The following ZNF425 variants were observed in gnomAD, a reference collection of about 807,000 sequenced individuals.
The protein encoded by ZNF425 is zinc finger protein 425.
ZNF425 carries 21 observed loss-of-function variants against 17.0 expected under a neutral mutation model. The observed-to-expected ratio is 1.23, with a 90% confidence interval of 0.88 to 1.78. ZNF425 has a LOEUF of 1.78. Ranked by LOEUF, ZNF425 falls within the 40% of genes most tolerant of loss-of-function variation. ZNF425 has a pLI of 0.00. For missense variants in ZNF425, 868 were observed against 967.3 expected (o/e 0.90, Z 1.36); for synonymous variants, 433 against 384.1 (o/e 1.13, Z -1.49).
chr7:149,119,111 A>ATT (rs35943015), intron 1 of ZNF425, among the ~76,000 whole-genome samples: 63 of 130,144 alleles, frequency 4.8e-4, no homozygotes, highest in Middle Eastern at 8.1e-3. Context: ...ACCAGCCTAG[A>ATT]TTTTTTTTTT....
chr7:149,121,305 C>T lies in ZNF425; in HGVS notation c.19-2957G>A, dbSNP rs1426616721. On this transcript the variant is annotated intron_variant, in intron 1 of 3. Transcript: ENST00000378061. ...AGAGACGGGGTTTCACCGTTTTAGC[C>T]GGGATGGTCTCGATCTCCTGACCTC... Among the ~76,000 whole-genome samples the T allele has an allele frequency of 6.3e-5, 2 of 31,774 alleles. 1 individual carries two copies. Among genetic ancestry groups the T allele is most frequent in the Non-Finnish European group, 1.2e-4 (2 of 16,442 alleles). The allele number at this position is 31,774 out of a possible 152,430, so 20.8% of individuals were successfully genotyped here. A position where few individuals can be genotyped will look rare whatever the true frequency, so the allele number is the denominator to read the frequency against.
In ZNF425 at chr7:149,104,734, C is replaced by T. The variant is rs1283459919; in HGVS notation, c.1137G>A (p.Thr379=). 3 of 1,613,042 alleles carry T rather than the reference C, an allele frequency of 1.9e-6. No individual in the cohort carries two copies. Among genetic ancestry groups the T allele is most frequent in the Non-Finnish European group, 2.5e-6 (3 of 1,179,906 alleles). ...RKAALKTHQR[T]HSEEKPFSCG... ...AAGAAAACGGCTTTTCCTCGCTGTG[C>T]GTCCTCTGGTGGGTCTTCAGGGCAG... Residue 379 remains threonine, a synonymous_variant, in exon 4 of 4, where the codon ACG becomes ACA. Coordinates refer to ENST00000378061, the MANE Select transcript of ZNF425 (RefSeq NM_001001661.3). This position sits in a 1 kb window ranked among gnomAD's most constrained non-coding sequence, Gnocchi z 4.3.
chr7:149,120,932 C>A (rs961222061), intron 1 of ZNF425, among the ~76,000 whole-genome samples: 2 of 152,106 alleles, frequency 1.3e-5, no homozygotes, highest in African/African-American at 2.4e-5. Flanking sequence ...TATGGACAAT[C>A]ATGTACAGGA....
At chr7:149,124,545 T>G (rs1047264904) in intron 1 of ZNF425, among the ~76,000 whole-genome samples, 5 of 151,982 alleles carry the variant, frequency 3.3e-5, no homozygotes, top group South Asian at 2.1e-4. Context: ...GTTGTTGTTG[T>G]TGGTTTTGTT....
rs750291616 is a variant in ZNF425, at chr7:149,126,086, C to A, written c.18+110G>T. 6.4e-6 allele frequency: 10 copies of A among 1,574,096 alleles called. No homozygotes were observed. In the East Asian group the frequency reaches 1.2e-4, roughly 19 times the overall value. On this transcript the variant is annotated intron_variant, in intron 1 of 3. Coordinates refer to ENST00000378061, the MANE Select transcript of ZNF425 (RefSeq NM_001001661.3). ...AGCTCAGTCCGTGGGCCACTGCCAA[C>A]CCCCAGGCCCAGGCCCCGGCCGCCC...
At chr7:149,111,619 A>AAAAAAAAAAAAAAT (rs1563146538) in intron 3 of ZNF425, among the ~76,000 whole-genome samples, 9 of 145,570 alleles carry the variant, frequency 6.2e-5, no homozygotes, top group African/African-American at 1.8e-4. Flanking sequence ...AAAAAAAAAA[A>AAAAAAAAAAAAAAT]AATTATATAT....
chr7:149,104,973 G>A lies in ZNF425; in HGVS notation c.898C>T (p.Arg300Trp), dbSNP rs960109246. 5 of 1,614,006 alleles carry A rather than the reference G, an allele frequency of 3.1e-6. No individual in the cohort carries two copies. The highest frequency in any genetic ancestry group is 2.2e-5 in the East Asian group (1 of 44,896). ...KKHLCLHRGE[R>W]PFCCGECGRA... ...CCGCACTCCCCGCAGCAGAACGGCC[G>A]CTCCCCGCGGTGTAGACACAGGTGC... The change falls in exon 4 of 4, where the codon CGG becomes TGG. Residue 300 changes from arginine to tryptophan, a missense_variant. Physicochemically the swap from Arg to Trp is moderately radical, Grantham distance 101. Around this residue, in one of 5 missense-constraint regions of ZNF425, gnomAD observed 243 missense variants for 265.2 expected, o/e 0.92. Coordinates refer to ENST00000378061, the MANE Select transcript of ZNF425 (RefSeq NM_001001661.3). The surrounding 1 kb of genome is among the most constrained non-coding windows in gnomAD (Gnocchi z 4.3).
rs779921705 is a variant in ZNF425 at position 149,105,021 on chromosome 7, G to T, written c.850C>A (p.Arg284=). Residue 284 remains arginine (R), a synonymous_variant, in exon 4 of 4, where the codon CGG becomes AGG. Transcript: ENST00000378061. ...YPCPECDKTF[R]YRANLKKHLC... ...TGCTTCTTCAGGTTGGCCCTGTACC[G>T]GAAGGTCTTGTCGCACTCAGGGCAT... 3.2e-5 allele frequency: 52 copies of T among 1,614,074 alleles called. No individual in the cohort carries two copies. The highest frequency in any genetic ancestry group is 4.2e-5 in the Non-Finnish European group (50 of 1,180,042).
chr7:149,118,389 G>C (rs143827449), intron 1 of ZNF425, 41 bp from the exon 2 acceptor site: 2 of 1,608,492 alleles, frequency 1.2e-6, no homozygotes, highest in Non-Finnish European at 8.5e-7. Context: ...TTTACTTTAC[G>C]GCTACTTTGT....
chr7:149,119,915 A>G (rs1397032900), intron 1 of ZNF425, among the ~76,000 whole-genome samples: 1 of 152,154 alleles, frequency 6.6e-6, no homozygotes. Flanking sequence ...TGCACGGGGT[A>G]TATGTAAATT....
At chr7:149,112,702 GT>G (rs1826193882) in intron 2 of ZNF425, among the ~76,000 whole-genome samples, 1 of 152,102 alleles carries the variant, frequency 6.6e-6, no homozygotes, top group Non-Finnish European at 1.5e-5. Context: ...GTCTCACTCT[GT>G]CACCCATGCT....
rs951679712 is a variant in ZNF425, at chr7:149,103,364, T to C, written c.*248A>G. ...CCCAAAGTAGCTGGGACCACAAGCATGCACCACAACGCCTGGCTGACTTTT... is the reference window on the plus strand; with the variant it reads ...CCCAAAGTAGCTGGGACCACAAGCACGCACCACAACGCCTGGCTGACTTTT... On this transcript the variant is annotated 3_prime_UTR_variant, in exon 4 of 4. Transcript: ENST00000378061. The C allele has an allele frequency of 1.5e-5, 7 of 462,998 alleles. No homozygotes were observed. Among genetic ancestry groups the C allele is most frequent in the East Asian group, 3.9e-5 (1 of 25,886 alleles). 28.7% of individuals were successfully genotyped at this position (462,998 alleles called of 1,614,324 possible).
intron 1 of ZNF425, among the ~76,000 whole-genome samples, chr7:149,123,459 C>G (rs1392734788): frequency 6.6e-6 from 1 of 152,188 alleles, no homozygotes; most frequent in Admixed American, 6.6e-5. Context: ...AGCTAAAATT[C>G]TATCTAAACT....
At chr7:149,126,063 C>T (rs1003335530) in intron 1 of ZNF425, 133 bp downstream of exon 1, 2 of 1,519,816 alleles carry the variant, frequency 1.3e-6, no homozygotes, top group African/African-American at 1.4e-5. Context: ...CAGCCCGGAG[C>T]TCAGTCCGTG....
In ZNF425 at chr7:149,126,190, T is replaced by C. The variant is rs781405899; in HGVS notation, c.18+6A>G. The stretch of plus-strand genomic sequence containing the variant: ...AGAGCCTGCATCCTCCACCGGCCCT[T>C]CTTACCGAAGCCGGCTCGGCCATGG... On this transcript the variant is annotated splice_donor_region_variant and intron_variant, in intron 1 of 3. Transcript: ENST00000378061. 1.9e-6 allele frequency: 3 copies of C among 1,613,032 alleles called. No individual in the cohort carries two copies.
chr7:149,108,095 C>G (rs974010547), intron 3 of ZNF425, among the ~76,000 whole-genome samples: 1 of 151,942 alleles, frequency 6.6e-6, no homozygotes, highest in East Asian at 1.9e-4. Flanking sequence ...TAGTCTCAAA[C>G]TCCTGGCTTC....
chr7:149,106,305 G>A (rs549333909), intron 3 of ZNF425, among the ~76,000 whole-genome samples: 12 of 149,412 alleles, frequency 8.0e-5, no homozygotes, highest in East Asian at 4.0e-4. Context: ...GTGCGGTGGC[G>A]TGATCTCGGC....
chr7:149,104,815 G>A lies in ZNF425; in HGVS notation c.1056C>T (p.His352=), dbSNP rs746862099. The change falls in exon 4 of 4, where the codon CAC becomes CAT. Residue 352 remains histidine (H), a synonymous_variant. Transcript: ENST00000378061. The surrounding 1 kb of genome is among the most constrained non-coding windows in gnomAD (Gnocchi z 4.3). ...GACAGTGGAAGGGCCTCTTCCCGCT[G>A]TGCTGGGTCAGATGGACCTTCATGC... The part of the protein sequence containing the change: ...KRGMKVHLTQ[H]SGKRPFHCPE... 1.9e-6 allele frequency: 3 copies of A among 1,613,876 alleles called. No individual in the cohort carries two copies. The highest frequency in any genetic ancestry group is 2.5e-6 in the Non-Finnish European group (3 of 1,179,994).
chr7:149,125,735 T>A, intron 1 of ZNF425: 1 of 220,242 alleles, frequency 4.5e-6, no homozygotes, highest in South Asian at 5.5e-5. Context: ...GCAGTGGCTA[T>A]TCACAGGCGC....
Sources: allele counts gnomAD v4.1 joint callset (sites outside exome capture counted in the v4.1 genomes callset), GRCh38; gene constraint gnomAD v4.1.1; regional missense constraint gnomAD v4.1.1; non-coding constraint Gnocchi (gnomAD v3.1); transcripts MANE v1.5; gene names NCBI Gene and HGNC (gene_info 2026-07-23, HGNC 2026-07-21).